QTRT1: variants seen among roughly 807,000 people sequenced by gnomAD.
QTRT1 encodes queuine tRNA-ribosyltransferase catalytic subunit 1, also known as TGT, 43-KD subunit.
Under a neutral mutation model 44.0 loss-of-function variants are expected in QTRT1, and 41 were observed. The observed-to-expected ratio is 0.93, with a 90% CI of 0.73 to 1.21. QTRT1 has a LOEUF of 1.21. Among genes scored for constraint, QTRT1 ranks in the 50% most tolerant of loss-of-function variants. QTRT1 has a pLI of 0.00. For synonymous variants in QTRT1, 226 were observed against 237.1 expected, an observed-to-expected ratio of 0.95 and a Z score of 0.43; for missense variants, 542 against 575.8, an observed-to-expected ratio of 0.94 and a Z score of 0.60.
At chr19:10,704,164 A>G (rs2068702218) in intron 3 of QTRT1, among the ~76,000 whole-genome samples, 1 of 151,622 alleles carries the variant, frequency 6.6e-6, no homozygotes, top group African/African-American at 2.4e-5. Flanking sequence ...TTTTGTAGAG[A>G]TTAGAGTCTC....
intron 1 of QTRT1, 49 bp from the exon 2 acceptor site, chr19:10,701,901 C>T (rs896150649): frequency 6.2e-7 from 1 of 1,605,674 alleles, no homozygotes; most frequent in Non-Finnish European, 8.5e-7. Flanking sequence ...AAGAAGGGCC[C>T]CCAGGGACGC....
intron 3 of QTRT1, among the ~76,000 whole-genome samples, chr19:10,703,561 G>A (rs1203549740): frequency 6.6e-6 from 1 of 152,142 alleles, no homozygotes; most frequent in Non-Finnish European, 1.5e-5. Context: ...TGTAATCCCA[G>A]CACTTTGGGA....
intron 5 of QTRT1, among the ~76,000 whole-genome samples, chr19:10,709,515 C>T (rs2068729301): frequency 6.6e-6 from 1 of 152,116 alleles, no homozygotes; most frequent in Non-Finnish European, 1.5e-5. Context: ...AGTTCGAGAC[C>T]AGCCTGGCCA....
Position 10,707,306 on chromosome 19 carries a change from G to A in QTRT1, c.456G>A (p.Ser152=), listed in dbSNP as rs142809082. The change falls in exon 4 of 10, where the codon TCG becomes TCA. Residue 152 remains serine (S), a synonymous_variant. Transcript: ENST00000250237. ...KSVQIQNALG[S]DIIMQLDDVV... ...TTGCCCCCATCTCACCATCAGGCTC[G>A]GACATCATCATGCAGCTGGACGACG... 5.3e-5 allele frequency: 86 copies of A among 1,614,034 alleles called. No homozygotes were observed. Among genetic ancestry groups the A allele is most frequent in the Non-Finnish European group, 6.9e-5 (82 of 1,180,028 alleles).
chr19:10,708,104 A>G (rs1237977426), intron 5 of QTRT1, among the ~76,000 whole-genome samples: 1 of 151,836 alleles, frequency 6.6e-6, no homozygotes, highest in Non-Finnish European at 1.5e-5. Flanking sequence ...AGCTGGGACT[A>G]CAGGCACCCG....
chr19:10,704,143 G>A (rs896507742), intron 3 of QTRT1, among the ~76,000 whole-genome samples: 5 of 151,974 alleles, frequency 3.3e-5, no homozygotes, highest in Non-Finnish European at 5.9e-5. Flanking sequence ...CACCATGCCC[G>A]GCCAAATATT....
At chr19:10,707,676 G>A in intron 5 of QTRT1, 61 bp downstream of exon 5, 1 of 1,235,710 alleles carries the variant, frequency 8.1e-7, no homozygotes, top group South Asian at 1.4e-5. Context: ...ACATGGGCCT[G>A]GCGTATGGCG....
At chr19:10,702,592 C>G (rs946278894) in intron 3 of QTRT1, among the ~76,000 whole-genome samples, 1 of 151,766 alleles carries the variant, frequency 6.6e-6, no homozygotes, top group African/African-American at 2.4e-5. Context: ...TCACTTGAGG[C>G]CGGGAGTTGG....
chr19:10,706,768 T>C lies in QTRT1; in HGVS notation c.452-534T>C, dbSNP rs118064112. 978 of 156,750 alleles carry C rather than the reference T, an allele frequency of 6.2e-3. 9 individuals are homozygous for C. The highest frequency in any genetic ancestry group is 0.01 in the Non-Finnish European group (733 of 71,120). 9.7% of individuals were successfully genotyped at this position (156,750 alleles called of 1,614,324 possible). ...CACAATCTTGGCTCACTGCTACCTC[T>C]GTCTCCCAGATTCAAGCTATTCTCC... On this transcript the variant is annotated intron_variant, in intron 3 of 9. Coordinates refer to ENST00000250237, the MANE Select transcript of QTRT1 (RefSeq NM_031209.3).
Position 10,707,362 on chromosome 19 carries a change from TGGA to T in QTRT1, c.518_520del (p.Glu173del), listed in dbSNP as rs1304456469. On this transcript the variant is annotated inframe_deletion, in exon 4 of 10. Transcript: ENST00000250237. ...AGCAGTACTGTGACTGGGCCACGTG[TGGA>T]GGAGGCCATGTACAGGTGTGTATAT... 1 of 1,613,766 alleles carries T rather than the reference TGGA, an allele frequency of 6.2e-7. No homozygotes were observed. The highest frequency in any genetic ancestry group is 8.5e-7 in the Non-Finnish European group (1 of 1,179,958).
intron 3 of QTRT1, among the ~76,000 whole-genome samples, chr19:10,702,660 TA>T (rs529135076): frequency 5.0e-5 from 7 of 141,218 alleles, no homozygotes; most frequent in Non-Finnish European, 1.1e-4. Flanking sequence ...AAATAAAAAA[TA>T]AAAAAAACAA....
At position 10,713,295 on chromosome 19, in the gene QTRT1, G is replaced by A; in HGVS notation, c.*25G>A. ...ACCTGGCATTGGGAGAGGGAGGGAG[G>A]AAGGAAGGGAGGGAGGGGCTGGAAG... On this transcript the variant is annotated 3_prime_UTR_variant, in exon 10 of 10. Transcript: ENST00000250237. This position sits in a 1 kb window ranked among gnomAD's most constrained non-coding sequence, Gnocchi z 4.3. 2 of 1,578,924 alleles carry A rather than the reference G, an allele frequency of 1.3e-6. No individual in the cohort carries two copies. Among genetic ancestry groups the A allele is most frequent in the Non-Finnish European group, 1.7e-6 (2 of 1,164,608 alleles).
intron 3 of QTRT1, chr19:10,706,648 C>T (rs2068714784): frequency 6.6e-6 from 1 of 151,104 alleles, no homozygotes; most frequent in African/African-American, 2.4e-5. Flanking sequence ...GCTGAGATGA[C>T]AAGCGTGAGC....
intron 3 of QTRT1, 46 bp downstream of exon 3, chr19:10,702,300 G>C: frequency 6.3e-7 from 1 of 1,591,348 alleles, no homozygotes; most frequent in Non-Finnish European, 8.6e-7. Flanking sequence ...TCTGTCAGGG[G>C]GTGAAGTTTA....
intron 1 of QTRT1, 98 bp from the exon 2 acceptor site, chr19:10,701,852 A>C: frequency 6.3e-7 from 1 of 1,579,584 alleles, no homozygotes; most frequent in Non-Finnish European, 8.7e-7. Context: ...CTGGGCGTGA[A>C]AGAGCAGCAG....
chr19:10,713,114 G>C lies in QTRT1; in HGVS notation c.1060-4G>C, dbSNP rs761863200. The stretch of plus-strand genomic sequence containing the variant: ...TGCCCCACGCTGACCTCCCCTCCCC[G>C]CAGCTGCAGCTCATGAGCGCCGTCC... On this transcript the variant is annotated splice_region_variant and splice_polypyrimidine_tract_variant and intron_variant, in intron 9 of 9. Coordinates refer to ENST00000250237, the MANE Select transcript of QTRT1 (RefSeq NM_031209.3). This position sits in a 1 kb window ranked among gnomAD's most constrained non-coding sequence, Gnocchi z 4.3. The C allele has an allele frequency of 2.5e-6, 4 of 1,608,764 alleles. No homozygotes were observed. Among genetic ancestry groups the C allele is most frequent in the Non-Finnish European group, 3.4e-6 (4 of 1,179,278 alleles).
At position 10,702,091 on chromosome 19, in the gene QTRT1, A is replaced by G. The variant is rs1417401406; in HGVS notation, c.313-25A>G. ...AGGGTCCCCATCTCCACCCCCTGAC[A>G]GCTTTGCGGTGGGGTTTCCCTTAGG... On this transcript the variant is annotated intron_variant, in intron 2 of 9. Coordinates refer to ENST00000250237, the MANE Select transcript of QTRT1 (RefSeq NM_031209.3). 3 of 1,613,872 alleles carry G rather than the reference A, an allele frequency of 1.9e-6. No individual in the cohort carries two copies. The Admixed American group carries it at 5.0e-5, about 27-fold the overall frequency.
chr19:10,706,962 C>T (rs1192321227), intron 3 of QTRT1: 1 of 334,064 alleles, frequency 3.0e-6, no homozygotes, highest in Admixed American at 4.3e-5. Context: ...GGATTACAGG[C>T]GTAGTCACTG....
Position 10,707,308 on chromosome 19 carries a change from A to G in QTRT1, c.458A>G (p.Asp153Gly), listed in dbSNP as rs1470195513. Residue 153 changes from aspartate to glycine, a missense_variant, in exon 4 of 10, where the codon GAC (aspartate) becomes GGC (glycine). Asp to Gly is a moderately conservative substitution (Grantham distance 94). Coordinates refer to ENST00000250237, the MANE Select transcript of QTRT1 (RefSeq NM_031209.3). ...GCCCCCATCTCACCATCAGGCTCGGACATCATCATGCAGCTGGACGACGTG... is the reference window on the plus strand; with the variant it reads ...GCCCCCATCTCACCATCAGGCTCGGGCATCATCATGCAGCTGGACGACGTG... ...SVQIQNALGS[D>G]IIMQLDDVVS... is the part of the protein sequence containing the mutation. The G allele has an allele frequency of 1.2e-6, 2 of 1,614,160 alleles. No individual in the cohort carries two copies. Among genetic ancestry groups the G allele is most frequent in the Non-Finnish European group, 8.5e-7 (1 of 1,180,028 alleles).
Sources: gnomAD v4.1 joint callset for allele counts (sites outside exome capture counted in the v4.1 genomes callset) on GRCh38, gnomAD v4.1.1 for gene constraint, Gnocchi (gnomAD v3.1) non-coding constraint, MANE v1.5 for transcripts, NCBI Gene and HGNC (gene_info 2026-07-23, HGNC 2026-07-21) for gene names.